Variants in SPAG11B observed in about 807,000 individuals in gnomAD.
SPAG11B encodes sperm associated antigen 11B.
In SPAG11B, 5 loss-of-function variants were observed where a neutral mutation model predicts 8.9. That is an observed-to-expected ratio of 0.56 (90% CI 0.29 to 1.19). The LOEUF is 1.19. Ranked by LOEUF, SPAG11B falls within the 50% of genes most tolerant of loss-of-function variation. The pLI is 0.08. For synonymous variants in SPAG11B, 12 were observed against 53.0 expected, an observed-to-expected ratio of 0.23 and a Z score of 3.36; for missense variants, 38 against 146.4, an observed-to-expected ratio of 0.26 and a Z score of 3.82.
chr8:7,453,833 T>C (rs538937616), intron 2 of SPAG11B, among the ~76,000 whole-genome samples: 148 of 148,770 alleles, frequency 9.9e-4, no homozygotes, highest in African/African-American at 3.8e-3. Flanking sequence ...CAGACCTTTC[T>C]GTACCTTGCA....
intron 2 of SPAG11B, among the ~76,000 whole-genome samples, chr8:7,454,423 TA>T (rs1810380310): frequency 1.1e-5 from 1 of 90,366 alleles, no homozygotes; most frequent in Non-Finnish European, 2.1e-5. Flanking sequence ...GTGGATGGCA[TA>T]TTTTTTCTAG....
downstream of SPAG11B, among the ~76,000 whole-genome samples, chr8:7,449,616 G>T (rs1324830453): frequency 3.3e-5 from 5 of 149,488 alleles, no homozygotes; most frequent in African/African-American, 1.0e-4. Context: ...ATTTAGAAAA[G>T]AAAAAAAACA....
downstream of SPAG11B, among the ~76,000 whole-genome samples, chr8:7,448,786 C>CCCTTCCCTTCCCTT (rs1809959711): frequency 7.9e-6 from 1 of 127,098 alleles, no homozygotes. Context: ...CCCCTCTCCT[C>CCCTTCCCTTCCCTT]CCCTTCCCTT....
At chr8:7,450,226 C>T (rs1810031201), downstream of SPAG11B, among the ~76,000 whole-genome samples, 5 of 126,810 alleles carry the variant, frequency 3.9e-5, no homozygotes, top group South Asian at 9.9e-4. Context: ...ATTGAAATAG[C>T]GTAAGAGTAA....
chr8:7,448,937 T>G (rs2128871127), downstream of SPAG11B, among the ~76,000 whole-genome samples: 1 of 143,354 alleles, frequency 7.0e-6, no homozygotes. Flanking sequence ...AAATTTTACA[T>G]AAGAGGGAGA....
chr8:7,449,451 C>A (rs1164007526), downstream of SPAG11B, among the ~76,000 whole-genome samples: 9 of 147,370 alleles, frequency 6.1e-5, no homozygotes, highest in Admixed American at 1.3e-4. Context: ...TCACTCTGAG[C>A]CAAGGCTAAT....
At position 7,451,004 on chromosome 8, in the gene SPAG11B, G is replaced by A. The variant is rs1214574115; in HGVS notation, c.215-104C>T. Reference sequence around the variant, plus strand: ...GGGTTATATATTCTGACAAGGCTAAGTACTTTTGGACAAGCCCCAGTTTAA... The same window carrying A: ...GGGTTATATATTCTGACAAGGCTAAATACTTTTGGACAAGCCCCAGTTTAA... On this transcript the variant is annotated intron_variant, in intron 2 of 2. Transcript: ENST00000398462. 41 of 1,519,778 alleles carry A rather than the reference G, an allele frequency of 2.7e-5. 2 individuals carry two copies. The highest frequency in any genetic ancestry group is 3.6e-5 in the Non-Finnish European group (41 of 1,123,586). 94.1% of individuals were successfully genotyped at this position (1,519,778 alleles called of 1,614,324 possible).
chr8:7,453,508 T>G (rs1357032980), intron 2 of SPAG11B, among the ~76,000 whole-genome samples: 1 of 147,382 alleles, frequency 6.8e-6, no homozygotes, highest in South Asian at 2.1e-4. Context: ...TAGCAGACTC[T>G]AGATATCATT....
intron 2 of SPAG11B, among the ~76,000 whole-genome samples, chr8:7,458,600 G>A (rs560928966): frequency 0.083 from 6,676 of 80,518 alleles, 66 homozygotes; most frequent in African/African-American, 0.12. Context: ...AGAAAGAAAG[G>A]GACTATTTGC....
chr8:7,453,680 C>A (rs1263095673), intron 2 of SPAG11B, among the ~76,000 whole-genome samples: 5 of 149,840 alleles, frequency 3.3e-5, no homozygotes, highest in African/African-American at 1.0e-4. Flanking sequence ...GAAAAAGAGA[C>A]ATCAAGCAGT....
chr8:7,451,024 G>A lies in SPAG11B; in HGVS notation c.215-124C>T. 9.9e-6 allele frequency: 15 copies of A among 1,513,582 alleles called. 1 individual carries two copies. The highest frequency in any genetic ancestry group is 1.3e-5 in the Non-Finnish European group (15 of 1,118,304). The allele number at this position is 1,513,582 out of a possible 1,614,324, so 93.8% of individuals were successfully genotyped here. A position where few individuals can be genotyped will look rare whatever the true frequency, so the allele number is the denominator to read the frequency against. On this transcript the variant is annotated intron_variant, in intron 2 of 2. Transcript: ENST00000398462. Reference sequence around the variant, plus strand: ...GCTAAGTACTTTTGGACAAGCCCCAGTTTAACCGAACTTTGGCCTCTTAGC... The same window carrying A: ...GCTAAGTACTTTTGGACAAGCCCCAATTTAACCGAACTTTGGCCTCTTAGC...
chr8:7,448,864 G>C (rs1585499179), downstream of SPAG11B, among the ~76,000 whole-genome samples: 2 of 143,166 alleles, frequency 1.4e-5, no homozygotes, highest in South Asian at 4.3e-4. Flanking sequence ...TTTTGTGCTG[G>C]GCAACGCCAT....
chr8:7,453,537 C>T (rs1441643617), intron 2 of SPAG11B, among the ~76,000 whole-genome samples: 1 of 148,486 alleles, frequency 6.7e-6, no homozygotes, highest in Non-Finnish European at 1.5e-5. Flanking sequence ...GCCTATATTA[C>T]TTGTTATAGC....
chr8:7,448,784 C>CCCCCCT, downstream of SPAG11B, among the ~76,000 whole-genome samples: 1 of 133,118 alleles, frequency 7.5e-6, no homozygotes. Flanking sequence ...TTCCCCTCTC[C>CCCCCCT]TCCCCTTCCC....
At chr8:7,462,475 G>A (rs1810716983) in intron 2 of SPAG11B, among the ~76,000 whole-genome samples, 1 of 151,980 alleles carries the variant, frequency 6.6e-6, no homozygotes, top group Non-Finnish European at 1.5e-5. Flanking sequence ...TTGCCTTTTG[G>A]CCCCTCAATA....
intron 2 of SPAG11B, among the ~76,000 whole-genome samples, chr8:7,453,865 C>T (rs1333598426): frequency 6.0e-5 from 9 of 149,124 alleles, no homozygotes; most frequent in Admixed American, 6.0e-4. Context: ...GAAGTTAAGA[C>T]TTTAGGGAAA....
downstream of SPAG11B, among the ~76,000 whole-genome samples, chr8:7,448,302 C>CAAAAAAAAAAAAAAAAA (rs71221492): frequency 2.0e-5 from 1 of 48,852 alleles, no homozygotes; most frequent in African/African-American, 9.7e-5. Context: ...AACAAGTGGT[C>CAAAAAAAAAAAAAAAAA]AAAAAAAAAA....
In SPAG11B at chr8:7,450,812, C is replaced by T; in HGVS notation, c.303G>A (p.Lys101=). ...RLFFCHSGEK[K]RDICSDPWNR... is the part of the protein sequence containing the mutation. The stretch of plus-strand genomic sequence containing the variant: ...TCCAGGGATCAGAGCAAATGTCACG[C>T]TTTTTCTCACCAGAATGGCAGAAAA... Residue 101 remains lysine (K), a synonymous_variant, in exon 3 of 3, where the codon AAG becomes AAA. Transcript: ENST00000398462. 1 of 1,609,128 alleles carries T rather than the reference C, an allele frequency of 6.2e-7. No homozygotes were observed. The highest frequency in any genetic ancestry group is 1.4e-5 in the African/African-American group (1 of 72,924).
chr8:7,455,954 GA>G (rs1810450502), intron 2 of SPAG11B, among the ~76,000 whole-genome samples: 1 of 131,540 alleles, frequency 7.6e-6, no homozygotes, highest in South Asian at 2.9e-4. Flanking sequence ...TTGGGATGAT[GA>G]AAAAGTCAGC....
Sources: allele counts gnomAD v4.1 joint callset (sites outside exome capture counted in the v4.1 genomes callset), GRCh38; gene constraint gnomAD v4.1.1; transcripts MANE v1.5; gene names NCBI Gene and HGNC (gene_info 2026-07-23, HGNC 2026-07-21).